CPNE5: variants seen among roughly 807,000 people sequenced by gnomAD.
CPNE5 encodes copine 5, also known as copine-5.
Under a neutral mutation model 81.1 loss-of-function variants are expected in CPNE5, and 42 were observed. The ratio of observed to expected loss-of-function variants is 0.52; its 90% confidence interval spans 0.40 to 0.67. The LOEUF (loss-of-function observed/expected upper bound fraction) is 0.67, where lower values mean the gene tolerates loss of function less well. Ranked by LOEUF, CPNE5 falls within the 30% of genes least tolerant of loss-of-function variation. The pLI is 0.00. For synonymous variants in CPNE5, 313 were observed against 321.5 expected (o/e 0.97, Z 0.28); for missense variants, 612 against 815.5 (o/e 0.75, Z 3.04).
intron 3 of CPNE5, among the ~76,000 whole-genome samples, chr6:36,821,747 C>G (rs1335337724): frequency 6.6e-6 from 1 of 152,142 alleles, no homozygotes; most frequent in African/African-American, 2.4e-5. Flanking sequence ...TAGTCAGAAG[C>G]CACGGGAAGG....
At chr6:36,813,804 C>T (rs757617717) in intron 3 of CPNE5, among the ~76,000 whole-genome samples, 1 of 152,200 alleles carries the variant, frequency 6.6e-6, no homozygotes, top group Non-Finnish European at 1.5e-5. Context: ...TGGCACCACT[C>T]AAGACTCAGC....
chr6:36,746,219 T>G lies in CPNE5; in HGVS notation c.1200+177A>C, dbSNP rs1383952688. 1.0e-6 allele frequency: 1 copy of G among 985,110 alleles called. No homozygotes were observed. Among genetic ancestry groups the G allele is most frequent in the Non-Finnish European group, 1.2e-6 (1 of 829,826 alleles). 61.0% of individuals were successfully genotyped at this position (985,110 alleles called of 1,614,324 possible). On this transcript the variant is annotated intron_variant, in intron 16 of 20. Transcript: ENST00000244751. The surrounding 1 kb of genome is among the most constrained non-coding windows in gnomAD (Gnocchi z 4.5). ...TTCAGACATGGAGGGGCAGCATCTG[T>G]GATCAGGGAAGGGAGTGGATTTCTG...
chr6:36,756,164 G>T, intron 13 of CPNE5, 81 bp downstream of exon 13: 3 of 1,001,714 alleles, frequency 3.0e-6, no homozygotes, highest in Middle Eastern at 2.4e-4. Context: ...ACACACAGAC[G>T]CACGGGCCTC....
chr6:36,839,266 G>T lies in CPNE5; in HGVS notation c.95+17C>A. On this transcript the variant is annotated intron_variant, in intron 1 of 20. Transcript: ENST00000244751. This position sits in a 1 kb window ranked among gnomAD's most constrained non-coding sequence, Gnocchi z 7.3. ...TCCAGGGCCGGGGCAAGGGGACCCG[G>T]CCAGCGGGAGGCTCACCTGCAGGAC... 1 of 1,515,934 alleles carries T rather than the reference G, an allele frequency of 6.6e-7. No individual in the cohort carries two copies. Among genetic ancestry groups the T allele is most frequent in the Non-Finnish European group, 8.9e-7 (1 of 1,123,800 alleles). 93.9% of individuals were successfully genotyped at this position (1,515,934 alleles called of 1,614,324 possible). A position where few individuals can be genotyped will look rare whatever the true frequency, so the allele number is the denominator to read the frequency against.
At chr6:36,826,602 T>G (rs1772521298) in intron 1 of CPNE5, among the ~76,000 whole-genome samples, 1 of 152,214 alleles carries the variant, frequency 6.6e-6, no homozygotes, top group Non-Finnish European at 1.5e-5. Flanking sequence ...TCTCTCACAC[T>G]GGCTGTGCAT....
At position 36,782,857 on chromosome 6, in the gene CPNE5, A is replaced by G. The variant is rs545712643; in HGVS notation, c.529-3900T>C. ...CACACACACACACACACACACACAC[A>G]CACACACACACAAAACGGCACAAAG... On this transcript the variant is annotated intron_variant, in intron 8 of 20. Transcript: ENST00000244751. 7.9e-5 allele frequency among the ~76,000 whole-genome samples: 12 copies of G among 151,548 alleles called. No individual in the cohort carries two copies. In the South Asian group the frequency reaches 1.9e-3, roughly 24 times the overall value.
At chr6:36,796,800 C>G (rs1189908256) in intron 6 of CPNE5, among the ~76,000 whole-genome samples, 2 of 152,122 alleles carry the variant, frequency 1.3e-5, no homozygotes, top group Non-Finnish European at 2.9e-5. Flanking sequence ...AGAGATGAGA[C>G]CTTTTGGGGG....
intron 13 of CPNE5, chr6:36,755,788 A>C: frequency 6.0e-6 from 1 of 166,498 alleles, no homozygotes; most frequent in Non-Finnish European, 1.3e-5. Context: ...GTGAGATGTC[A>C]TGTTGAGTCC....
chr6:36,755,198 G>A (rs768160444), intron 13 of CPNE5: 23 of 152,214 alleles, frequency 1.5e-4, no homozygotes, highest in Non-Finnish European at 2.1e-4. Flanking sequence ...CAGAGCTCCT[G>A]AAAACCTCTT....
chr6:36,836,913 C>G (rs185985654), intron 1 of CPNE5, among the ~76,000 whole-genome samples: 18 of 152,322 alleles, frequency 1.2e-4, no homozygotes, highest in African/African-American at 4.3e-4. Flanking sequence ...CACTTCCCCC[C>G]ACCTCTGGCT....
At chr6:36,810,054 G>C (rs1402189286) in intron 3 of CPNE5, among the ~76,000 whole-genome samples, 1 of 152,168 alleles carries the variant, frequency 6.6e-6, no homozygotes, top group South Asian at 2.1e-4. Flanking sequence ...GGCAACCCAT[G>C]GTGGGCGAGG....
At chr6:36,773,420 G>A (rs981675638) in intron 10 of CPNE5, among the ~76,000 whole-genome samples, 11 of 152,206 alleles carry the variant, frequency 7.2e-5, no homozygotes, top group Admixed American at 1.3e-4. Context: ...ATAATTACAT[G>A]TTTCCTTGTG....
At chr6:36,780,732 T>C (rs369926896) in intron 8 of CPNE5, among the ~76,000 whole-genome samples, 113 of 152,316 alleles carry the variant, frequency 7.4e-4, no homozygotes, top group Middle Eastern at 6.8e-3. Context: ...AAACACAGCC[T>C]CCATTCATTC....
intron 3 of CPNE5, among the ~76,000 whole-genome samples, chr6:36,821,751 G>A (rs918211084): frequency 2.0e-5 from 3 of 152,166 alleles, no homozygotes; most frequent in Non-Finnish European, 2.9e-5. Flanking sequence ...CAGAAGCCAC[G>A]GGAAGGAAGC....
intron 12 of CPNE5, chr6:36,757,233 G>A (rs1765575082): frequency 4.3e-6 from 3 of 700,410 alleles, no homozygotes; most frequent in South Asian, 1.3e-4. Context: ...GGGAAGTCTA[G>A]GCACAACTTT....
At chr6:36,753,713 C>T (rs1017419148) in intron 13 of CPNE5, among the ~76,000 whole-genome samples, 2 of 152,228 alleles carry the variant, frequency 1.3e-5, no homozygotes, top group African/African-American at 2.4e-5. Flanking sequence ...GCCCCCTCCC[C>T]CAAGCAGAGG....
chr6:36,816,517 G>C (rs1425403756), intron 3 of CPNE5, among the ~76,000 whole-genome samples: 1 of 152,206 alleles, frequency 6.6e-6, no homozygotes, highest in Non-Finnish European at 1.5e-5. Flanking sequence ...GCCTGCACTT[G>C]ACTTCCCCTG....
intron 1 of CPNE5, among the ~76,000 whole-genome samples, chr6:36,838,126 T>C (rs1773690273): frequency 6.6e-6 from 1 of 152,172 alleles, no homozygotes; most frequent in Non-Finnish European, 1.5e-5. Context: ...CCTTCCCTCC[T>C]TCACGCCCCT....
intron 11 of CPNE5, 143 bp from the exon 12 acceptor site, chr6:36,763,135 G>A: frequency 1.4e-6 from 1 of 719,260 alleles, no homozygotes; most frequent in Non-Finnish European, 2.4e-6. Flanking sequence ...GACAGGCTGG[G>A]TCCGTGGGAA....
Sources: allele counts gnomAD v4.1 joint callset (sites outside exome capture counted in the v4.1 genomes callset), GRCh38; gene constraint gnomAD v4.1.1; non-coding constraint Gnocchi (gnomAD v3.1); transcripts MANE v1.5; gene names NCBI Gene and HGNC (gene_info 2026-07-23, HGNC 2026-07-21).